Variants in MAP3K9 observed in about 807,000 individuals in gnomAD.
MAP3K9 encodes the protein mitogen-activated protein kinase kinase kinase 9.
A neutral mutation model predicts 95.8 loss-of-function variants in MAP3K9; 46 were observed. The ratio of observed to expected loss-of-function variants is 0.48; its 90% CI spans 0.38 to 0.61. The LOEUF (loss-of-function observed/expected upper bound fraction) is 0.61. Among genes scored for constraint, MAP3K9 ranks in the 20% least tolerant of loss-of-function variants. The pLI, the probability that MAP3K9 is intolerant of heterozygous loss-of-function variation, is 0.00. For missense variants in MAP3K9, 1,296 were observed against 1,474.3 expected, an observed-to-expected ratio of 0.88 and a Z score of 1.98; for synonymous variants, 533 against 593.8, an observed-to-expected ratio of 0.90 and a Z score of 1.49.
At chr14:70,758,313 T>G (rs1476432853) in intron 3 of MAP3K9, among the ~76,000 whole-genome samples, 1 of 152,076 alleles carries the variant, frequency 6.6e-6, no homozygotes, top group African/African-American at 2.4e-5. Context: ...TTTAGTGAAA[T>G]GCAAATCAAA....
rs759840472 is a variant in MAP3K9 at position 70,733,121 on chromosome 14, C to T, written c.2248G>A (p.Glu750Lys). Residue 750 changes from glutamate to lysine, a missense_variant, in exon 11 of 12, where the codon GAG (glutamate) becomes AAG (lysine). Glu to Lys is a moderately conservative substitution (Grantham distance 56). This residue lies in a region of MAP3K9 where 12 missense variants were observed against 30.9 expected (regional missense o/e 0.39). Transcript: ENST00000554752. Reference protein sequence around the residue: ...KRGGAHHRRCEVALLGCGAVL... With the variant: ...KRGGAHHRRCKVALLGCGAVL... Reference sequence around the variant, plus strand: ...GCCCCACAGCCGAGCAGAGCCACCTCGCAGCGGCGGTGGTGGGCACCGCCC... The same window carrying T: ...GCCCCACAGCCGAGCAGAGCCACCTTGCAGCGGCGGTGGTGGGCACCGCCC... The T allele has an allele frequency of 2.0e-5, 33 of 1,613,786 alleles. No homozygotes were observed. The highest frequency in any genetic ancestry group is 5.3e-5 in the African/African-American group (4 of 74,920).
In MAP3K9 at chr14:70,729,472, T is replaced by C. The variant is rs2053864260; in HGVS notation, c.*908A>G. 1.3e-5 allele frequency: 2 copies of C among 152,220 alleles called. No individual in the cohort carries two copies. The highest frequency in any genetic ancestry group is 1.3e-4 in the Admixed American group (2 of 15,284). 9.4% of individuals were successfully genotyped at this position (152,220 alleles called of 1,614,324 possible). A position where few individuals can be genotyped will look rare whatever the true frequency, so the allele number is the denominator to read the frequency against. ...AGCAAAAGGAACAGACAGTGGAATT[T>C]TGTCTCTGACTTAGAACTGGCACCA... is the stretch of plus-strand genomic sequence containing the variant. On this transcript the variant is annotated 3_prime_UTR_variant, in exon 12 of 12. Coordinates refer to ENST00000554752, the MANE Select transcript of MAP3K9 (RefSeq NM_001284230.2).
At chr14:70,771,387 T>C (rs1038029222) in intron 2 of MAP3K9, among the ~76,000 whole-genome samples, 1 of 152,114 alleles carries the variant, frequency 6.6e-6, no homozygotes, top group Non-Finnish European at 1.5e-5. Context: ...TCTCCTGATA[T>C]GCAAAATCCA....
In MAP3K9 at chr14:70,724,863, C is replaced by G. The variant is rs1015162257; in HGVS notation, c.*5517G>C. On this transcript the variant is annotated 3_prime_UTR_variant, in exon 12 of 12. Coordinates refer to ENST00000554752, the MANE Select transcript of MAP3K9 (RefSeq NM_001284230.2). ...TCCCTCATGTTCCGGTAGGAGAGGC[C>G]TGTCTGTGCACCCCTGGAATGGTAT... 1.3e-5 allele frequency: 2 copies of G among 152,184 alleles called. No individual in the cohort carries two copies. Among genetic ancestry groups the G allele is most frequent in the African/African-American group, 4.8e-5 (2 of 41,424 alleles). The allele number at this position is 152,184 out of a possible 1,614,324, so 9.4% of individuals were successfully genotyped here. A position where few individuals can be genotyped will look rare whatever the true frequency, so the allele number is the denominator to read the frequency against.
intron 2 of MAP3K9, among the ~76,000 whole-genome samples, chr14:70,799,379 A>G (rs982332233): frequency 2.0e-5 from 3 of 151,978 alleles, no homozygotes; most frequent in African/African-American, 7.3e-5. Context: ...TCGCTCTGTC[A>G]CCCAGGCTGG....
At chr14:70,764,156 G>A (rs113679206) in intron 2 of MAP3K9, among the ~76,000 whole-genome samples, 8 of 126,536 alleles carry the variant, frequency 6.3e-5, no homozygotes, top group Non-Finnish European at 1.2e-4. Flanking sequence ...ACTGCAGTCC[G>A]CAGTCCGGCC....
intron 2 of MAP3K9, among the ~76,000 whole-genome samples, chr14:70,782,245 T>C (rs1391694150): frequency 6.6e-6 from 1 of 152,198 alleles, no homozygotes; most frequent in Non-Finnish European, 1.5e-5. Flanking sequence ...CTCTATGTTA[T>C]GTATATAATA....
chr14:70,808,743 G>A, intron 1 of MAP3K9, 23 bp downstream of exon 1: 1 of 631,124 alleles, frequency 1.6e-6, no homozygotes. Flanking sequence ...CCCCCTCCCC[G>A]CCCGGCCCCG....
intron 1 of MAP3K9, among the ~76,000 whole-genome samples, chr14:70,803,337 TAAAAA>T (rs10583563): frequency 0.016 from 1,196 of 75,196 alleles, 28 homozygotes; most frequent in African/African-American, 0.055. Context: ...ATTCAGATCT[TAAAAA>T]AAAAAAAAAA....
In MAP3K9 at chr14:70,763,591, T is replaced by C. The variant is rs112129129; in HGVS notation, c.821-2409A>G. On this transcript the variant is annotated intron_variant, in intron 2 of 11. Coordinates refer to ENST00000554752, the MANE Select transcript of MAP3K9 (RefSeq NM_001284230.2). Reference sequence around the variant, plus strand: ...TGTCATTCAGGCTGGTGTGCAGTGGTGCAATCATAGCTTATTGCAGCCTCA... The same window carrying C: ...TGTCATTCAGGCTGGTGTGCAGTGGCGCAATCATAGCTTATTGCAGCCTCA... 8.3e-3 allele frequency among the ~76,000 whole-genome samples: 1,262 copies of C among 152,132 alleles called. 17 individuals carry two copies. Among genetic ancestry groups the C allele is most frequent in the African/African-American group, 0.028 (1,160 of 41,490 alleles).
chr14:70,802,425 T>C lies in MAP3K9; in HGVS notation c.407-1345A>G, dbSNP rs556627302. On this transcript the variant is annotated intron_variant, in intron 1 of 11. Coordinates refer to ENST00000554752, the MANE Select transcript of MAP3K9 (RefSeq NM_001284230.2). ...ACCTAAGGTACTTGATTATATATTT[T>C]GTTGTGTGTGGAAAGGCTTTCATGG... is the stretch of plus-strand genomic sequence containing the variant. 2.0e-5 allele frequency among the ~76,000 whole-genome samples: 3 copies of C among 152,346 alleles called. No individual in the cohort carries two copies. In the South Asian group the frequency reaches 6.2e-4, roughly 32 times the overall value.
rs1307934537 is a variant in MAP3K9, at chr14:70,726,534, T to C, written c.*3846A>G. 6.6e-6 allele frequency: 1 copy of C among 152,232 alleles called. No homozygotes were observed. The highest frequency in any genetic ancestry group is 1.5e-5 in the Non-Finnish European group (1 of 68,058). 9.4% of individuals were successfully genotyped at this position (152,232 alleles called of 1,614,324 possible). A position where few individuals can be genotyped will look rare whatever the true frequency, so the allele number is the denominator to read the frequency against. ...AACCTCCCTCTCCCATTTCCTTCTC[T>C]GTAAGACACAAGTGGTGAGGATGAC... On this transcript the variant is annotated 3_prime_UTR_variant, in exon 12 of 12. Transcript: ENST00000554752.
chr14:70,757,890 C>T (rs531049601), intron 3 of MAP3K9, among the ~76,000 whole-genome samples: 44 of 152,072 alleles, frequency 2.9e-4, no homozygotes, highest in African/African-American at 1.0e-3. Flanking sequence ...ATACCACATA[C>T]AAAAATTAAG....
At position 70,736,021 on chromosome 14, in the gene MAP3K9, T is replaced by C. The variant is rs2053981746; in HGVS notation, c.1853A>G (p.Gln618Arg). ...ELASGDEGSP[Q>R]RREKANGLST... ...TAAACCATTAGCTTTCTCACGTCTC[T>C]GAGGGGATCTTCAATGAATAAAGAG... The change falls in exon 9 of 12, where the codon CAG becomes CGG. Residue 618 changes from glutamine (Q) to arginine (R), a missense_variant. This residue lies in a region of MAP3K9 where 377 missense variants were observed against 417.1 expected (regional missense o/e 0.90). Coordinates refer to ENST00000554752, the MANE Select transcript of MAP3K9 (RefSeq NM_001284230.2). 23 of 1,611,390 alleles carry C rather than the reference T, an allele frequency of 1.4e-5. No homozygotes were observed. Among genetic ancestry groups the C allele is most frequent in the Non-Finnish European group, 1.9e-5 (22 of 1,177,556 alleles).
At chr14:70,778,337 C>T (rs568835816) in intron 2 of MAP3K9, among the ~76,000 whole-genome samples, 18 of 150,516 alleles carry the variant, frequency 1.2e-4, no homozygotes, top group Non-Finnish European at 1.9e-4. Flanking sequence ...AGTGTCACGA[C>T]GCGATCTCTG....
chr14:70,756,444 T>C (rs1191070573), intron 3 of MAP3K9, among the ~76,000 whole-genome samples: 3 of 152,208 alleles, frequency 2.0e-5, no homozygotes, highest in Non-Finnish European at 2.9e-5. Flanking sequence ...AAGTGGCTGC[T>C]TGTCCCCTCA....
rs867041454 is a variant in MAP3K9 at position 70,728,997 on chromosome 14, G to C, written c.*1383C>G. ...GCATGGAGAAGACATACACGAGAAAGCTTTAGAGGAAGCTCAACATTCAAG... is the reference window on the plus strand; with the variant it reads ...GCATGGAGAAGACATACACGAGAAACCTTTAGAGGAAGCTCAACATTCAAG... On this transcript the variant is annotated 3_prime_UTR_variant, in exon 12 of 12. Coordinates refer to ENST00000554752, the MANE Select transcript of MAP3K9 (RefSeq NM_001284230.2). 6.6e-6 allele frequency: 1 copy of C among 152,282 alleles called. No individual in the cohort carries two copies. The highest frequency in any genetic ancestry group is 1.5e-5 in the Non-Finnish European group (1 of 68,100). 9.4% of individuals were successfully genotyped at this position (152,282 alleles called of 1,614,324 possible). A position where few individuals can be genotyped will look rare whatever the true frequency, so the allele number is the denominator to read the frequency against.
Position 70,724,613 on chromosome 14 carries a change from G to GAA in MAP3K9, c.*5765_*5766dup, listed in dbSNP as rs1325134549. 4 of 152,056 alleles carry GAA rather than the reference G, an allele frequency of 2.6e-5. No individual in the cohort carries two copies. The highest frequency in any genetic ancestry group is 5.9e-5 in the Non-Finnish European group (4 of 67,978). The allele number at this position is 152,056 out of a possible 1,614,324, so 9.4% of individuals were successfully genotyped here. On this transcript the variant is annotated 3_prime_UTR_variant, in exon 12 of 12. Transcript: ENST00000554752. ...GTATTTTTTAAAAATCAGAGTTATTGAAAAATTCCACGATGAATACAGTAT... is the reference window on the plus strand; with the variant it reads ...GTATTTTTTAAAAATCAGAGTTATTGAAAAAAATTCCACGATGAATACAGTAT...
intron 10 of MAP3K9, chr14:70,733,874 G>A: frequency 1.4e-6 from 1 of 712,422 alleles, no homozygotes; most frequent in Non-Finnish European, 2.6e-6. Context: ...CTTCTGGAGA[G>A]GGACACTTTT....
Sources: gnomAD v4.1 joint callset for allele counts (sites outside exome capture counted in the v4.1 genomes callset) on GRCh38, gnomAD v4.1.1 for gene constraint, gnomAD v4.1.1 regional missense constraint, MANE v1.5 for transcripts, NCBI Gene and HGNC (gene_info 2026-07-23, HGNC 2026-07-21) for gene names.